GABRG2: variants seen among roughly 807,000 people sequenced by gnomAD.
GABRG2 encodes gamma-aminobutyric acid receptor subunit gamma-2.
Under a neutral mutation model 56.4 loss-of-function variants are expected in GABRG2, and 16 were observed. The ratio of observed to expected loss-of-function variants is 0.28; its 90% CI spans 0.19 to 0.43. The LOEUF (loss-of-function observed/expected upper bound fraction) is 0.43, where lower values mean the gene tolerates loss of function less well. GABRG2 is among the 20% of genes least tolerant of loss of function. GABRG2 has a pLI of 1.00. For synonymous variants in GABRG2, 208 were observed against 205.5 expected, an observed-to-expected ratio of 1.01 and a Z score of -0.10; for missense variants, 327 against 582.7, an observed-to-expected ratio of 0.56 and a Z score of 4.52.
intron 1 of GABRG2, among the ~76,000 whole-genome samples, chr5:162,073,593 G>T (rs1021617946): frequency 6.6e-6 from 1 of 151,752 alleles, no homozygotes; most frequent in African/African-American, 2.4e-5. Flanking sequence ...CTTCATATTT[G>T]GATATGTATA....
At chr5:162,136,790 A>G (rs1764163689) in intron 6 of GABRG2, among the ~76,000 whole-genome samples, 1 of 152,188 alleles carries the variant, frequency 6.6e-6, no homozygotes. Flanking sequence ...CTTTACTCAG[A>G]ATTTTCAAAA....
At chr5:162,129,935 G>A (rs1763613977) in intron 6 of GABRG2, among the ~76,000 whole-genome samples, 2 of 151,858 alleles carry the variant, frequency 1.3e-5, no homozygotes, top group Non-Finnish European at 2.9e-5. Context: ...GAGAATTAGA[G>A]AAGAGATCGG....
chr5:162,137,231 C>T (rs1764202111), intron 6 of GABRG2, among the ~76,000 whole-genome samples: 1 of 152,288 alleles, frequency 6.6e-6, no homozygotes, highest in African/African-American at 2.4e-5. Context: ...ATTTTGGTGC[C>T]AATTGCATGG....
intron 6 of GABRG2, among the ~76,000 whole-genome samples, chr5:162,136,693 T>C (rs1764155828): frequency 6.6e-6 from 1 of 152,184 alleles, no homozygotes; most frequent in East Asian, 1.9e-4. Context: ...AAATTTAGAT[T>C]ACCCATAGCC....
chr5:162,140,549 A>G (rs1764485355), intron 6 of GABRG2, among the ~76,000 whole-genome samples: 1 of 152,196 alleles, frequency 6.6e-6, no homozygotes, highest in South Asian at 2.1e-4. Flanking sequence ...TTATTTTCAA[A>G]TCAGATCAAA....
In GABRG2 at chr5:162,095,532, T is replaced by C. The variant is rs1760937235; in HGVS notation, c.297T>C (p.Asn99=). The part of the protein sequence containing the change: ...PTLIHTDMYV[N]SIGPVNAINM... The stretch of plus-strand genomic sequence containing the variant: ...TAATTCACACAGACATGTATGTGAA[T>C]AGCATTGGTCCAGTGAACGCTATCA... The change falls in exon 3 of 10, where the codon AAT becomes AAC. Residue 99 remains asparagine (N), a synonymous_variant. Coordinates refer to ENST00000639213, the MANE Select transcript of GABRG2 (RefSeq NM_198904.4). The C allele has an allele frequency of 6.2e-7, 1 of 1,609,812 alleles. No individual in the cohort carries two copies. Among genetic ancestry groups the C allele is most frequent in the East Asian group, 2.2e-5 (1 of 44,672 alleles).
intron 7 of GABRG2, among the ~76,000 whole-genome samples, chr5:162,148,063 A>G (rs1170308729): frequency 6.6e-6 from 1 of 152,208 alleles, no homozygotes; most frequent in Non-Finnish European, 1.5e-5. Context: ...CACAACTTTT[A>G]CATAAGAGAG....
chr5:162,149,763 G>A (rs989724832), intron 8 of GABRG2: 13 of 399,848 alleles, frequency 3.3e-5, no homozygotes, highest in African/African-American at 1.0e-4. Flanking sequence ...ATAGGCACAC[G>A]CCACCATGCC....
intron 6 of GABRG2, among the ~76,000 whole-genome samples, chr5:162,133,846 A>G (rs1255726346): frequency 6.6e-6 from 1 of 152,136 alleles, no homozygotes; most frequent in Non-Finnish European, 1.5e-5. Flanking sequence ...AGGCTTTGCA[A>G]ATACTGAGCT....
chr5:162,134,635 C>G (rs1159923216), intron 6 of GABRG2, among the ~76,000 whole-genome samples: 71 of 152,264 alleles, frequency 4.7e-4, no homozygotes, highest in Non-Finnish European at 2.9e-5. Flanking sequence ...GATATTTGCC[C>G]TTGCAGTGGA....
chr5:162,077,161 ATTC>A (rs142199096), intron 1 of GABRG2, among the ~76,000 whole-genome samples: 2,925 of 149,288 alleles, frequency 0.02, 98 homozygotes, highest in African/African-American at 0.066. Flanking sequence ...AATAATCATC[ATTC>A]TTCTTCTCTC....
chr5:162,093,689 G>A (rs949752514), intron 1 of GABRG2, 139 bp from the exon 2 acceptor site: 1 of 805,056 alleles, frequency 1.2e-6, no homozygotes, highest in Admixed American at 2.0e-5. Context: ...AGTTTAATTA[G>A]CACAACCCTC....
At chr5:162,109,298 G>T (rs1438026392) in intron 6 of GABRG2, among the ~76,000 whole-genome samples, 1 of 150,680 alleles carries the variant, frequency 6.6e-6, no homozygotes, top group Non-Finnish European at 1.5e-5. Context: ...TGTAAATGAC[G>T]AGTTAATGGG....
intron 7 of GABRG2, among the ~76,000 whole-genome samples, chr5:162,148,475 A>T (rs1765121744): frequency 6.6e-6 from 1 of 152,216 alleles, no homozygotes; most frequent in African/African-American, 2.4e-5. Flanking sequence ...TCACTTACAC[A>T]TAACCCACCT....
chr5:162,079,845 C>T (rs1013295582), intron 1 of GABRG2, among the ~76,000 whole-genome samples: 11 of 151,934 alleles, frequency 7.2e-5, no homozygotes, highest in Non-Finnish European at 1.3e-4. Flanking sequence ...TGCAGTGGTG[C>T]GATAGCTCAC....
At chr5:162,093,050 A>T (rs1760728714) in intron 1 of GABRG2, among the ~76,000 whole-genome samples, 1 of 152,142 alleles carries the variant, frequency 6.6e-6, no homozygotes, top group African/African-American at 2.4e-5. Flanking sequence ...AATTGCTGAA[A>T]GGGTTTCTGA....
intron 4 of GABRG2, chr5:162,098,519 A>T (rs1761165606): frequency 6.6e-6 from 1 of 152,532 alleles, no homozygotes; most frequent in South Asian, 2.1e-4. Flanking sequence ...CATTTAAAAC[A>T]TTTTTACATT....
chr5:162,086,446 A>G (rs1223684297), intron 1 of GABRG2, among the ~76,000 whole-genome samples: 2 of 152,066 alleles, frequency 1.3e-5, no homozygotes, highest in Non-Finnish European at 2.9e-5. Flanking sequence ...TTGTTTTCTT[A>G]TGAAGTATTA....
At position 162,122,000 on chromosome 5, in the gene GABRG2, A is replaced by G. The variant is rs547301522; in HGVS notation, c.769+17974A>G. ...AAATCAGTGCTGTCATTAACTTTCC[A>G]ATATCTTAGTGTCACTGAAGGCAAA... is the stretch of plus-strand genomic sequence containing the variant. On this transcript the variant is annotated intron_variant, in intron 6 of 9. Coordinates refer to ENST00000639213, the MANE Select transcript of GABRG2 (RefSeq NM_198904.4). Among the ~76,000 whole-genome samples, 10 of 152,160 alleles carry G rather than the reference A, an allele frequency of 6.6e-5. No individual in the cohort carries two copies. In the Middle Eastern group the frequency reaches 0.01, roughly 155 times the overall value.
Sources: allele counts gnomAD v4.1 joint callset (sites outside exome capture counted in the v4.1 genomes callset), GRCh38; gene constraint gnomAD v4.1.1; transcripts MANE v1.5; gene names NCBI Gene and HGNC (gene_info 2026-07-23, HGNC 2026-07-21).